SAMD5: variants seen among roughly 807,000 people sequenced by gnomAD.
SAMD5 encodes sterile alpha motif domain-containing protein 5.
SAMD5 carries 13 observed loss-of-function variants against 11.3 expected under a neutral mutation model. That is an observed-to-expected ratio of 1.15 (90% CI 0.75 to 1.83). The LOEUF (loss-of-function observed/expected upper bound fraction) is 1.83, where lower values mean the gene tolerates loss of function less well. Among genes scored for constraint, SAMD5 ranks in the 40% most tolerant of loss-of-function variants. The pLI is 0.00. For missense variants in SAMD5, 255 were observed against 239.1 expected, an observed-to-expected ratio of 1.07 and a Z score of -0.44; for synonymous variants, 129 against 111.3, an observed-to-expected ratio of 1.16 and a Z score of -1.00.
intron 1 of SAMD5, among the ~76,000 whole-genome samples, chr6:147,643,744 A>AGAAGGAAGGAAGGAAGAAAGGAAG (rs1554239612): frequency 3.4e-5 from 4 of 115,998 alleles, no homozygotes; most frequent in African/African-American, 1.3e-4. Context: ...AGGGAAGGAA[A>AGAAGGAAGGAAGGAAGAAAGGAAG]GAAGGAAGGA....
chr6:147,592,918 C>T (rs1789476703), intron 1 of SAMD5, among the ~76,000 whole-genome samples: 1 of 152,070 alleles, frequency 6.6e-6, no homozygotes, highest in Admixed American at 6.6e-5. Flanking sequence ...CTCCTTAAGC[C>T]AGAGAACGCT....
At chr6:147,855,463 T>G in the SAMD5 span, among the ~76,000 whole-genome samples, 11,841 of 152,182 alleles carry the variant, frequency 0.078, 808 homozygotes, top group East Asian at 0.35. Flanking sequence ...CACTACACTT[T>G]CATGCAAACT....
the SAMD5 span, among the ~76,000 whole-genome samples, chr6:147,790,779 T>A: frequency 1.5e-5 from 1 of 64,682 alleles, no homozygotes; most frequent in East Asian, 4.5e-4. Flanking sequence ...TTTCTCTCTC[T>A]CTCTCTCTCT....
At chr6:147,840,248 C>A in the SAMD5 span, among the ~76,000 whole-genome samples, 2 of 152,198 alleles carry the variant, frequency 1.3e-5, no homozygotes, top group African/African-American at 4.8e-5. Flanking sequence ...CAGAGATTTC[C>A]AAATGTATAT....
chr6:147,618,674 C>G (rs1789911971), intron 1 of SAMD5, among the ~76,000 whole-genome samples: 2 of 152,222 alleles, frequency 1.3e-5, no homozygotes, highest in Non-Finnish European at 2.9e-5. Flanking sequence ...TCTAGTCAGT[C>G]TGGAGAGCTT....
At chr6:147,902,654 T>C in the SAMD5 span, among the ~76,000 whole-genome samples, 1 of 152,216 alleles carries the variant, frequency 6.6e-6, no homozygotes, top group East Asian at 1.9e-4. Context: ...TTAATTCTAA[T>C]TGATTCTAAT....
At chr6:147,745,584 C>T in the SAMD5 span, among the ~76,000 whole-genome samples, 2 of 152,248 alleles carry the variant, frequency 1.3e-5, no homozygotes, top group East Asian at 3.9e-4. Flanking sequence ...CTGAGAACTG[C>T]TGTCCATCCA....
chr6:147,597,308 C>G (rs1224343781), intron 1 of SAMD5, among the ~76,000 whole-genome samples: 1 of 152,092 alleles, frequency 6.6e-6, no homozygotes, highest in Admixed American at 6.5e-5. Context: ...GATACTGTCC[C>G]TTGAGCACTG....
chr6:147,939,500 A>C, the SAMD5 span, among the ~76,000 whole-genome samples: 1 of 152,188 alleles, frequency 6.6e-6, no homozygotes, highest in Admixed American at 6.5e-5. Context: ...AGATATTCCT[A>C]TCACCCAAGA....
At chr6:147,575,970 C>T (rs549496251) in intron 1 of SAMD5, among the ~76,000 whole-genome samples, 3 of 152,102 alleles carry the variant, frequency 2.0e-5, no homozygotes, top group Admixed American at 6.5e-5. Context: ...CTGATTATAG[C>T]GTTACCCCTT....
At chr6:147,614,691 G>C (rs1789839866) in intron 1 of SAMD5, among the ~76,000 whole-genome samples, 2 of 151,906 alleles carry the variant, frequency 1.3e-5, no homozygotes, top group Non-Finnish European at 2.9e-5. Context: ...GTTGGGGATA[G>C]TATTGCCTGG....
intron 1 of SAMD5, among the ~76,000 whole-genome samples, chr6:147,575,592 G>T (rs1382816286): frequency 6.6e-6 from 1 of 152,218 alleles, no homozygotes; most frequent in Non-Finnish European, 1.5e-5. Flanking sequence ...TCAAATCAAT[G>T]AAATTACAAG....
intron 1 of SAMD5, among the ~76,000 whole-genome samples, chr6:147,610,731 T>C (rs528994335): frequency 4.6e-5 from 7 of 151,954 alleles, no homozygotes; most frequent in Admixed American, 2.7e-4. Flanking sequence ...CTGGCCCTCA[T>C]TGTTGCAGTG....
At chr6:147,940,264 G>A in the SAMD5 span, among the ~76,000 whole-genome samples, 1 of 149,106 alleles carries the variant, frequency 6.7e-6, no homozygotes. Context: ...AAAGCCAACA[G>A]CTGAGAGGGA....
intron 1 of SAMD5, among the ~76,000 whole-genome samples, chr6:147,562,624 C>T (rs1583084195): frequency 1.3e-5 from 2 of 152,112 alleles, no homozygotes; most frequent in Admixed American, 1.3e-4. Context: ...AGATCAAGAC[C>T]ATCCTGGCTA....
At chr6:147,941,410 G>A in the SAMD5 span, among the ~76,000 whole-genome samples, 1 of 152,202 alleles carries the variant, frequency 6.6e-6, no homozygotes, top group Admixed American at 6.5e-5. Flanking sequence ...TATGAAGCTG[G>A]AACCCTCCCT....
At chr6:147,754,674 G>A in the SAMD5 span, among the ~76,000 whole-genome samples, 2 of 151,916 alleles carry the variant, frequency 1.3e-5, no homozygotes, top group Non-Finnish European at 2.9e-5. Flanking sequence ...ATGTTTTCTT[G>A]TATTAGTTTC....
intron 1 of SAMD5, among the ~76,000 whole-genome samples, chr6:147,663,176 G>A (rs1453440448): frequency 1.3e-5 from 2 of 151,996 alleles, no homozygotes; most frequent in African/African-American, 2.4e-5. Context: ...ACTGTTCATC[G>A]GCATCTGGAA....
At chr6:147,513,869 G>A (rs1426054681) in intron 1 of SAMD5, among the ~76,000 whole-genome samples, 2 of 152,146 alleles carry the variant, frequency 1.3e-5, no homozygotes, top group African/African-American at 4.8e-5. Flanking sequence ...ATCACTTCAT[G>A]GGAAGTGGTA....
Sources: gnomAD v4.1 joint callset for allele counts (sites outside exome capture counted in the v4.1 genomes callset) on GRCh38, gnomAD v4.1.1 for gene constraint, MANE v1.5 for transcripts, NCBI Gene and HGNC (gene_info 2026-07-23, HGNC 2026-07-21) for gene names.